The following SLC2A13 variants were observed in gnomAD, a reference collection of about 807,000 sequenced individuals.
SLC2A13 encodes the protein solute carrier family 2 member 13.
In SLC2A13, 32 loss-of-function variants were observed where a neutral mutation model predicts 64.4. The observed-to-expected ratio is 0.50, with a 90% CI of 0.37 to 0.67. The LOEUF (loss-of-function observed/expected upper bound fraction) is 0.67, where lower values mean the gene tolerates loss of function less well. SLC2A13 is among the 30% of genes least tolerant of loss of function. The pLI is 0.00. For synonymous variants in SLC2A13, 338 were observed against 327.1 expected (o/e 1.03, Z -0.36); for missense variants, 743 against 829.2 (o/e 0.90, Z 1.28).
intron 1 of SLC2A13, among the ~76,000 whole-genome samples, chr12:40,063,599 A>G (rs185092395): frequency 5.4e-4 from 82 of 152,274 alleles, no homozygotes; most frequent in African/African-American, 1.9e-3. Context: ...TGTGCCAGCA[A>G]CTACCACACT....
chr12:39,945,813 G>GACCCCAAAGTGCTGGA (rs1946122244), intron 4 of SLC2A13, among the ~76,000 whole-genome samples: 2 of 151,916 alleles, frequency 1.3e-5, no homozygotes, highest in Admixed American at 1.3e-4. Context: ...GTCCCTCCCT[G>GACCCCAAAGTGCTGGA]ATTAGCTTAA....
At chr12:39,919,577 A>G (rs1945579261) in intron 4 of SLC2A13, among the ~76,000 whole-genome samples, 1 of 152,100 alleles carries the variant, frequency 6.6e-6, no homozygotes. Flanking sequence ...GTTTTGAGGT[A>G]TAGTTATAGT....
At chr12:39,848,315 C>T (rs1566860290) in intron 6 of SLC2A13, among the ~76,000 whole-genome samples, 1 of 152,032 alleles carries the variant, frequency 6.6e-6, no homozygotes, top group Non-Finnish European at 1.5e-5. Context: ...TTATAAGGAA[C>T]TTAGCAAATT....
chr12:39,933,607 T>G (rs555483059), intron 4 of SLC2A13, among the ~76,000 whole-genome samples: 2 of 152,330 alleles, frequency 1.3e-5, no homozygotes, highest in South Asian at 2.1e-4. Flanking sequence ...TGTCATTATT[T>G]CGTCTGAAAA....
rs189835216 is a variant in SLC2A13 at position 39,973,542 on chromosome 12, A to T, written c.926-22177T>A. Reference sequence around the variant, plus strand: ...TCTGAGCTCCACTGTCACACATCTGACTTCTTATTCCACATCTGCATTGAA... The same window carrying T: ...TCTGAGCTCCACTGTCACACATCTGTCTTCTTATTCCACATCTGCATTGAA... On this transcript the variant is annotated intron_variant, in intron 3 of 9. Transcript: ENST00000280871. Among the ~76,000 whole-genome samples, 4 of 152,280 alleles carry T rather than the reference A, an allele frequency of 2.6e-5. No homozygotes were observed. The East Asian group carries it at 7.7e-4, about 29-fold the overall frequency.
chr12:40,103,120 C>T (rs890120115), intron 1 of SLC2A13, among the ~76,000 whole-genome samples: 2 of 152,164 alleles, frequency 1.3e-5, no homozygotes, highest in Non-Finnish European at 2.9e-5. Context: ...GCCCAGAGAC[C>T]ACAGAATGAG....
At chr12:40,008,043 A>C (rs1217343350) in intron 3 of SLC2A13, among the ~76,000 whole-genome samples, 1 of 152,230 alleles carries the variant, frequency 6.6e-6, no homozygotes, top group Admixed American at 6.5e-5. Flanking sequence ...CAACTAGTTT[A>C]AACCAACATA....
intron 7 of SLC2A13, among the ~76,000 whole-genome samples, chr12:39,810,511 A>G (rs914109718): frequency 1.3e-5 from 2 of 152,124 alleles, no homozygotes; most frequent in African/African-American, 4.8e-5. Flanking sequence ...TCTCCAGGAA[A>G]ATGTCATGTA....
At chr12:39,764,374 G>A (rs1343391400) in intron 9 of SLC2A13, 86 bp downstream of exon 9, 2 of 1,208,968 alleles carry the variant, frequency 1.7e-6, no homozygotes, top group East Asian at 5.3e-5. Flanking sequence ...TAACCACATA[G>A]TCTCAATCAC....
At chr12:39,983,857 C>T (rs1377833320) in intron 3 of SLC2A13, among the ~76,000 whole-genome samples, 44 of 141,780 alleles carry the variant, frequency 3.1e-4, no homozygotes, top group African/African-American at 1.1e-3. Flanking sequence ...ATAAATCATG[C>T]TGCTATAAAG....
chr12:39,988,657 AGGAG>A (rs148689204), intron 3 of SLC2A13, among the ~76,000 whole-genome samples: 15,219 of 105,076 alleles, frequency 0.14, 1,724 homozygotes, highest in East Asian at 0.62. Flanking sequence ...GAGAAAAGGA[AGGAG>A]GGAGGGAGGG....
intron 4 of SLC2A13, among the ~76,000 whole-genome samples, chr12:39,944,883 C>T (rs900021902): frequency 6.6e-6 from 1 of 152,150 alleles, no homozygotes; most frequent in Non-Finnish European, 1.5e-5. Flanking sequence ...TCATCATGCT[C>T]TTTCTTGCCT....
chr12:39,833,741 A>G (rs1421690776), intron 6 of SLC2A13, among the ~76,000 whole-genome samples: 2 of 151,844 alleles, frequency 1.3e-5, no homozygotes, highest in African/African-American at 4.8e-5. Flanking sequence ...AACACCCACA[A>G]TTCTCTTCAA....
chr12:39,860,045 A>G (rs1234490468), intron 6 of SLC2A13, among the ~76,000 whole-genome samples: 1 of 152,222 alleles, frequency 6.6e-6, no homozygotes, highest in Non-Finnish European at 1.5e-5. Flanking sequence ...TTTGAAAGGA[A>G]TAGAAAAAGA....
At chr12:39,896,687 G>A (rs1034644357) in intron 4 of SLC2A13, among the ~76,000 whole-genome samples, 10 of 151,558 alleles carry the variant, frequency 6.6e-5, no homozygotes, top group Non-Finnish European at 1.2e-4. Context: ...AATATCCCTC[G>A]TTATCTGCAA....
intron 4 of SLC2A13, among the ~76,000 whole-genome samples, chr12:39,932,482 T>C (rs1945843305): frequency 1.3e-5 from 2 of 152,208 alleles, no homozygotes; most frequent in Non-Finnish European, 2.9e-5. Flanking sequence ...TGTCTGCGTT[T>C]CTCATGCAAC....
At position 40,105,157 on chromosome 12, in the gene SLC2A13, C is replaced by T; in HGVS notation, c.556+96G>A. 1 of 1,419,744 alleles carries T rather than the reference C, an allele frequency of 7.0e-7. No homozygotes were observed. Among genetic ancestry groups the T allele is most frequent in the Non-Finnish European group, 9.1e-7 (1 of 1,093,500 alleles). The allele number at this position is 1,419,744 out of a possible 1,614,324, so 87.9% of individuals were successfully genotyped here. ...GGAGGATTCTCTGACCCTGGGAGAC[C>T]AGACGGGGACCCCGATGGGCAAGAG... is the stretch of plus-strand genomic sequence containing the variant. On this transcript the variant is annotated intron_variant, in intron 1 of 9. Transcript: ENST00000280871. This position sits in a 1 kb window ranked among gnomAD's most constrained non-coding sequence, Gnocchi z 4.2.
At chr12:39,931,610 T>G (rs895466416) in intron 4 of SLC2A13, among the ~76,000 whole-genome samples, 2 of 152,218 alleles carry the variant, frequency 1.3e-5, no homozygotes, top group East Asian at 3.8e-4. Flanking sequence ...TGATTTTATA[T>G]TTCAGATATG....
At chr12:39,877,661 A>G (rs1944223088) in intron 4 of SLC2A13, among the ~76,000 whole-genome samples, 1 of 152,242 alleles carries the variant, frequency 6.6e-6, no homozygotes, top group Non-Finnish European at 1.5e-5. Flanking sequence ...TTGTGGAAAG[A>G]TACACTGAAC....
Sources: allele counts gnomAD v4.1 joint callset (sites outside exome capture counted in the v4.1 genomes callset), GRCh38; gene constraint gnomAD v4.1.1; non-coding constraint Gnocchi (gnomAD v3.1); transcripts MANE v1.5; gene names NCBI Gene and HGNC (gene_info 2026-07-23, HGNC 2026-07-21).